The following ZNF124 variants were observed in gnomAD, a reference collection of about 807,000 sequenced individuals.
ZNF124 encodes zinc finger protein 124.
In ZNF124, 25 loss-of-function variants were observed where a neutral mutation model predicts 26.6. The observed-to-expected ratio is 0.94, with a 90% CI of 0.68 to 1.31. The LOEUF (loss-of-function observed/expected upper bound fraction) is 1.31. Among genes scored for constraint, ZNF124 ranks in the 40% most tolerant of loss-of-function variants. ZNF124 has a pLI of 0.00. For synonymous variants in ZNF124, 129 were observed against 133.3 expected (o/e 0.97, Z 0.22); for missense variants, 444 against 422.2 (o/e 1.05, Z -0.45).
At chr1:247,142,747 A>G (rs1042364572) in intron 3 of ZNF124, among the ~76,000 whole-genome samples, 9 of 152,094 alleles carry the variant, frequency 5.9e-5, no homozygotes, top group East Asian at 1.9e-4. Flanking sequence ...CACCTGGCTC[A>G]TATCATTTAC....
chr1:247,156,995 C>G lies in ZNF124; in HGVS notation c.627G>C (p.Lys209Asn). Residue 209 changes from lysine to asparagine, a missense_variant, in exon 4 of 4, where the codon AAG (lysine) becomes AAC (asparagine). Physicochemically the swap from Lys to Asn is moderately conservative, Grantham distance 94 (BLOSUM62 0). Coordinates refer to ENST00000543802, the MANE Select transcript of ZNF124 (RefSeq NM_001297568.2). ...AGTAACGGAAGGCTTTCCCACAGTG[C>G]TTACATTCATAGGGTTTCTCTCCAG... ...THTGEKPYEC[K>N]HCGKAFRYSN... 6.2e-7 allele frequency: 1 copy of G among 1,613,614 alleles called. No individual in the cohort carries two copies. The highest frequency in any genetic ancestry group is 8.5e-7 in the Non-Finnish European group (1 of 1,179,898).
At chr1:247,167,004 T>A (rs1673817655) in intron 1 of ZNF124, among the ~76,000 whole-genome samples, 1 of 152,180 alleles carries the variant, frequency 6.6e-6, no homozygotes, top group Non-Finnish European at 1.5e-5. Flanking sequence ...TCAATCAGTG[T>A]AATGTATGAC....
chr1:247,141,250 T>TA (rs963813591), intron 3 of ZNF124, among the ~76,000 whole-genome samples: 6 of 151,724 alleles, frequency 4.0e-5, no homozygotes, highest in Non-Finnish European at 8.8e-5. Context: ...ATAAGGCACT[T>TA]ATGGTATTTG....
intron 3 of ZNF124, among the ~76,000 whole-genome samples, chr1:247,131,627 C>T (rs1326651570): frequency 6.6e-6 from 1 of 152,234 alleles, no homozygotes; most frequent in Non-Finnish European, 1.5e-5. Flanking sequence ...ACAGCTAGGT[C>T]CCAAGACCTG....
downstream of ZNF124, among the ~76,000 whole-genome samples, chr1:247,153,027 G>A (rs989621612): frequency 1.1e-4 from 17 of 151,962 alleles, no homozygotes; most frequent in Non-Finnish European, 2.4e-4. Flanking sequence ...CAGCTACTCG[G>A]GAGGCTGAGG....
intron 3 of ZNF124, among the ~76,000 whole-genome samples, chr1:247,125,236 T>C (rs1292428155): frequency 1.3e-5 from 2 of 152,084 alleles, no homozygotes; most frequent in African/African-American, 4.8e-5. Flanking sequence ...TGTACTAGCT[T>C]TTTTGTGGAT....
At chr1:247,164,505 T>C (rs1195911120) in intron 1 of ZNF124, among the ~76,000 whole-genome samples, 8 of 151,604 alleles carry the variant, frequency 5.3e-5, no homozygotes, top group Non-Finnish European at 7.4e-5. Flanking sequence ...CCATTCACAA[T>C]AGCCACAAAA....
exon 4 of ZNF124, chr1:247,122,093 T>A (rs4925704): frequency 0.16 from 23,697 of 152,260 alleles, 2,120 homozygotes; most frequent in South Asian, 0.26. Flanking sequence ...CCACATCCAC[T>A]GTTTCATTAA....
At chr1:247,166,211 A>C (rs902206324) in intron 1 of ZNF124, among the ~76,000 whole-genome samples, 1 of 152,304 alleles carries the variant, frequency 6.6e-6, no homozygotes, top group Admixed American at 6.5e-5. Flanking sequence ...AAAACAAAAC[A>C]AAACCAGATG....
rs35031827 is a variant in ZNF124 at position 247,155,860 on chromosome 1, CA to C, written c.*705del. On this transcript the variant is annotated 3_prime_UTR_variant, in exon 4 of 4. Coordinates refer to ENST00000543802, the MANE Select transcript of ZNF124 (RefSeq NM_001297568.2). Reference sequence around the variant, plus strand: ...TGGGCGACAAAGTGAGACTCCATCTCAAAAAAAAAAAAAAAAGTCTCACCTC... The same window carrying C: ...TGGGCGACAAAGTGAGACTCCATCTCAAAAAAAAAAAAAAAGTCTCACCTC... 100,828 of 644,338 alleles carry C rather than the reference CA, an allele frequency of 0.16. 302 individuals carry two copies. Among genetic ancestry groups the C allele is most frequent in the South Asian group, 0.25 (3,501 of 14,250 alleles). The allele number at this position is 644,338 out of a possible 1,614,324, so 39.9% of individuals were successfully genotyped here. A position where few individuals can be genotyped will look rare whatever the true frequency, so the allele number is the denominator to read the frequency against.
At chr1:247,152,699 C>CTGG (rs1491281197), downstream of ZNF124, among the ~76,000 whole-genome samples, 1 of 152,138 alleles carries the variant, frequency 6.6e-6, no homozygotes, top group African/African-American at 2.4e-5. Flanking sequence ...GAAAAACAAT[C>CTGG]ACACCGTTAT....
intron 3 of ZNF124, among the ~76,000 whole-genome samples, chr1:247,145,188 C>T (rs1245317253): frequency 2.0e-5 from 3 of 152,096 alleles, no homozygotes. Context: ...GAGATTATTC[C>T]TTTTTAGAAA....
At chr1:247,147,228 C>CTT (rs549013458) in intron 3 of ZNF124, among the ~76,000 whole-genome samples, 213 of 127,358 alleles carry the variant, frequency 1.7e-3, no homozygotes, top group African/African-American at 5.9e-3. Context: ...ATTGGCTTAA[C>CTT]TTTTTTTTTT....
chr1:247,171,072 A>G (rs1674090157), intron 1 of ZNF124, among the ~76,000 whole-genome samples: 2 of 22,550 alleles, frequency 8.9e-5, no homozygotes, highest in South Asian at 3.5e-3. Flanking sequence ...ACTTGAAGGG[A>G]AAGAAAACTT....
chr1:247,162,377 A>G lies in ZNF124; in HGVS notation c.31-2564T>C, dbSNP rs540814119. Among the ~76,000 whole-genome samples, 299 of 152,278 alleles carry G rather than the reference A, an allele frequency of 2.0e-3. 4 individuals are homozygous for G. Among genetic ancestry groups the G allele is most frequent in the African/African-American group, 6.8e-3 (282 of 41,576 alleles). The stretch of plus-strand genomic sequence containing the variant: ...CTTCAAGAGACCCATCTCACATGCA[A>G]TGACGCCCACACATTCAAAGTAAAG... On this transcript the variant is annotated intron_variant, in intron 1 of 3. Transcript: ENST00000543802.
rs71566695 is a variant in ZNF124 at position 247,125,430 on chromosome 1, C to CTTTTTTTTTTTTTTTTTTTTTT, written c.219-1581_219-1560dup. ...TATCTTCACCGACACCTGTTTTTGT[C>CTTTTTTTTTTTTTTTTTTTTTT]TTTTTTTTTTTTTTTTTTTTTTTTT... is the stretch of plus-strand genomic sequence containing the variant. On this transcript the variant is annotated intron_variant, in intron 3 of 3. Transcript: ENST00000472531. Among the ~76,000 whole-genome samples, 38 of 43,294 alleles carry CTTTTTTTTTTTTTTTTTTTTTT rather than the reference C, an allele frequency of 8.8e-4. 6 individuals carry two copies. Among genetic ancestry groups the CTTTTTTTTTTTTTTTTTTTTTT allele is most frequent in the Middle Eastern group, 0.11 (2 of 18 alleles). The allele number at this position is 43,294 out of a possible 152,430, so 28.4% of individuals were successfully genotyped here.
intron 3 of ZNF124, among the ~76,000 whole-genome samples, chr1:247,141,920 G>T (rs1190779132): frequency 6.6e-6 from 1 of 152,186 alleles, no homozygotes; most frequent in East Asian, 1.9e-4. Flanking sequence ...CTGCTGACCT[G>T]GGAGCAGCTC....
rs954705432 is a variant in ZNF124 at position 247,158,275 on chromosome 1, A to C, written c.218+731T>G. Among the ~76,000 whole-genome samples the C allele has an allele frequency of 5.3e-5, 8 of 151,874 alleles. No individual in the cohort carries two copies. The East Asian group carries it at 1.2e-3, about 22-fold the overall frequency. ...AAACAAAACAAAACAAAACAAAAAA[A>C]CCCCAAAAACTTTGGCACTTCCTTT... is the stretch of plus-strand genomic sequence containing the variant. On this transcript the variant is annotated intron_variant, in intron 3 of 3. Coordinates refer to ENST00000543802, the MANE Select transcript of ZNF124 (RefSeq NM_001297568.2).
intron 1 of ZNF124, among the ~76,000 whole-genome samples, chr1:247,165,368 T>C (rs1454252305): frequency 2.6e-5 from 4 of 152,276 alleles, no homozygotes; most frequent in East Asian, 3.9e-4. Context: ...ATGCAGAAGA[T>C]TGAAACTGGA....
Sources: allele counts gnomAD v4.1 joint callset (sites outside exome capture counted in the v4.1 genomes callset), GRCh38; gene constraint gnomAD v4.1.1; transcripts MANE v1.5; gene names NCBI Gene and HGNC (gene_info 2026-07-23, HGNC 2026-07-21).